The following CTNNA3 variants were observed in gnomAD, a reference collection of about 807,000 sequenced individuals.
CTNNA3 encodes the protein catenin alpha 3.
A neutral mutation model predicts 95.7 loss-of-function variants in CTNNA3; 76 were observed. The observed-to-expected ratio is 0.79, with a 90% CI of 0.66 to 0.96. The LOEUF (loss-of-function observed/expected upper bound fraction) is 0.96, where lower values mean the gene tolerates loss of function less well. Among genes scored for constraint, CTNNA3 ranks in the 40% least tolerant of loss-of-function variants. The pLI is 0.00. For synonymous variants in CTNNA3, 431 were observed against 374.4 expected, an observed-to-expected ratio of 1.15 and a Z score of -1.74; for missense variants, 1,191 against 1,089.8, an observed-to-expected ratio of 1.09 and a Z score of -1.31.
rs547476284 is a variant in CTNNA3, at chr10:66,177,875, T to A, written c.1885-74626A>T. Reference sequence around the variant, plus strand: ...AATAAGAAACATTTTTGATTATTACTTTTTTAAACTATATTCAATTTGGTT... The same window carrying A: ...AATAAGAAACATTTTTGATTATTACATTTTTAAACTATATTCAATTTGGTT... On this transcript the variant is annotated intron_variant, in intron 13 of 17. Coordinates refer to ENST00000433211, the MANE Select transcript of CTNNA3 (RefSeq NM_013266.4). Among the ~76,000 whole-genome samples, 128 of 152,096 alleles carry A rather than the reference T, an allele frequency of 8.4e-4. 2 individuals are homozygous for A. The highest frequency in any genetic ancestry group is 3.0e-3 in the African/African-American group (123 of 41,552).
At chr10:67,168,315 G>A (rs1010166383) in intron 7 of CTNNA3, among the ~76,000 whole-genome samples, 1 of 152,012 alleles carries the variant, frequency 6.6e-6, no homozygotes, top group Non-Finnish European at 1.5e-5. Flanking sequence ...CCAAAACCTA[G>A]CAGAGACACA....
intron 15 of CTNNA3, among the ~76,000 whole-genome samples, chr10:66,057,578 A>G (rs145844196): frequency 6.6e-6 from 1 of 152,264 alleles, no homozygotes; most frequent in Admixed American, 6.5e-5. Context: ...AGCATTTCTC[A>G]TCAGCATTAC....
At chr10:67,175,393 C>T (rs1030283046) in intron 7 of CTNNA3, among the ~76,000 whole-genome samples, 4 of 152,110 alleles carry the variant, frequency 2.6e-5, no homozygotes, top group Non-Finnish European at 4.4e-5. Flanking sequence ...CATCTCTTTT[C>T]GTGTAGGCTT....
chr10:67,025,126 T>G (rs1256328164), intron 7 of CTNNA3, among the ~76,000 whole-genome samples: 1 of 53,816 alleles, frequency 1.9e-5, no homozygotes, highest in Non-Finnish European at 3.8e-5. Flanking sequence ...AGCAAAACTC[T>G]GTCAAAAACA....
At chr10:66,548,169 G>A (rs953309607) in intron 10 of CTNNA3, among the ~76,000 whole-genome samples, 10 of 151,988 alleles carry the variant, frequency 6.6e-5, no homozygotes, top group African/African-American at 1.9e-4. Context: ...CGTCCACCTC[G>A]GCCTCCCAAA....
At chr10:67,202,117 C>T (rs1395468851) in intron 6 of CTNNA3, among the ~76,000 whole-genome samples, 7 of 152,102 alleles carry the variant, frequency 4.6e-5, no homozygotes, top group African/African-American at 1.2e-4. Context: ...TTTTCCTTTT[C>T]GATTGGTCTC....
At chr10:67,494,900 T>C (rs1012881905) in intron 5 of CTNNA3, among the ~76,000 whole-genome samples, 1 of 152,176 alleles carries the variant, frequency 6.6e-6, no homozygotes, top group African/African-American at 2.4e-5. Flanking sequence ...AAGAGTTGTG[T>C]TGCCAGATTT....
At chr10:66,867,514 C>T (rs4745919) in intron 7 of CTNNA3, among the ~76,000 whole-genome samples, 45,715 of 152,094 alleles carry the variant, frequency 0.3, 8,501 homozygotes, top group East Asian at 0.51. Context: ...TTAGCTCTCA[C>T]ATTCTGTGTT....
chr10:67,586,710 C>T (rs931829621), intron 3 of CTNNA3, among the ~76,000 whole-genome samples: 1 of 152,220 alleles, frequency 6.6e-6, no homozygotes, highest in East Asian at 1.9e-4. Context: ...TTCTTATAAG[C>T]AGCATATGCT....
chr10:66,084,852 G>A (rs1011379436), intron 14 of CTNNA3: 4 of 152,054 alleles, frequency 2.6e-5, no homozygotes, highest in Admixed American at 6.6e-5. Flanking sequence ...ATATTTATTT[G>A]TGTATTTTTT....
chr10:66,148,983 T>C (rs2084043205), intron 13 of CTNNA3, among the ~76,000 whole-genome samples: 2 of 151,334 alleles, frequency 1.3e-5, no homozygotes, highest in African/African-American at 2.4e-5. Flanking sequence ...TGCATTATAT[T>C]TAGATATTTA....
intron 11 of CTNNA3, among the ~76,000 whole-genome samples, chr10:66,407,206 G>GAA (rs75023003): frequency 6.6e-5 from 9 of 136,366 alleles, no homozygotes; most frequent in East Asian, 6.2e-4. Context: ...GTGCTTAAAA[G>GAA]AAAAAAAAAA....
At chr10:67,521,748 A>G in intron 5 of CTNNA3, 94 bp downstream of exon 5, 1 of 1,460,986 alleles carries the variant, frequency 6.8e-7, no homozygotes, top group Non-Finnish European at 9.3e-7. Flanking sequence ...ATTAGAAGAT[A>G]AGTTTCCTCA....
At chr10:65,964,564 G>A (rs1008459421) in intron 17 of CTNNA3, among the ~76,000 whole-genome samples, 3 of 152,132 alleles carry the variant, frequency 2.0e-5, no homozygotes, top group Non-Finnish European at 4.4e-5. Flanking sequence ...TATTTTGGAA[G>A]GATAATTAAC....
chr10:67,470,745 T>G (rs1847786107), intron 5 of CTNNA3, among the ~76,000 whole-genome samples: 1 of 152,046 alleles, frequency 6.6e-6, no homozygotes, highest in Non-Finnish European at 1.5e-5. Flanking sequence ...CTATTGAGTT[T>G]TTGGGGCCAG....
At chr10:67,655,260 T>C (rs1839988809) in intron 1 of CTNNA3, among the ~76,000 whole-genome samples, 1 of 152,218 alleles carries the variant, frequency 6.6e-6, no homozygotes, top group Admixed American at 6.5e-5. Context: ...AAAAGTATCT[T>C]TGGGCTTCAT....
intron 7 of CTNNA3, among the ~76,000 whole-genome samples, chr10:67,097,218 T>G (rs1007301243): frequency 4.6e-5 from 7 of 151,898 alleles, no homozygotes; most frequent in Admixed American, 4.6e-4. Flanking sequence ...AATAATAGGA[T>G]AATTAACACT....
intron 10 of CTNNA3, among the ~76,000 whole-genome samples, chr10:66,589,099 C>T (rs1843460086): frequency 6.6e-6 from 1 of 151,966 alleles, no homozygotes; most frequent in Admixed American, 6.6e-5. Flanking sequence ...TCTTGTTTTT[C>T]TTTTCCCTTG....
chr10:66,009,317 A>T (rs974531122), intron 15 of CTNNA3, among the ~76,000 whole-genome samples: 1 of 152,174 alleles, frequency 6.6e-6, no homozygotes, highest in Non-Finnish European at 1.5e-5. Context: ...TTATAAAAAA[A>T]TTAAAACAAT....
Sources: allele counts gnomAD v4.1 joint callset (sites outside exome capture counted in the v4.1 genomes callset), GRCh38; gene constraint gnomAD v4.1.1; transcripts MANE v1.5; gene names NCBI Gene and HGNC (gene_info 2026-07-23, HGNC 2026-07-21).